Variants in LINGO2 observed in about 807,000 individuals in gnomAD.
LINGO2 encodes leucine-rich repeat and immunoglobulin-like domain-containing nogo receptor-interacting protein 2.
LINGO2 carries 14 observed loss-of-function variants against 30.6 expected under a neutral mutation model. The ratio of observed to expected loss-of-function variants is 0.46; its 90% CI spans 0.30 to 0.72. The LOEUF (loss-of-function observed/expected upper bound fraction) is 0.72, where lower values mean the gene tolerates loss of function less well. LINGO2 is among the 30% of genes least tolerant of loss of function. The pLI is 0.07. For missense variants in LINGO2, 729 were observed against 751.7 expected (o/e 0.97, Z 0.35); for synonymous variants, 317 against 288.5 (o/e 1.10, Z -1.00).
the LINGO2 span, among the ~76,000 whole-genome samples, chr9:29,132,815 C>T: frequency 6.6e-6 from 1 of 152,094 alleles, no homozygotes; most frequent in Non-Finnish European, 1.5e-5. Context: ...ATGCCCTACA[C>T]ATAGAATTTC....
intron 2 of LINGO2, among the ~76,000 whole-genome samples, chr9:28,411,687 T>C (rs1822770294): frequency 6.6e-6 from 1 of 152,142 alleles, no homozygotes; most frequent in Non-Finnish European, 1.5e-5. Flanking sequence ...ACATGGGTTG[T>C]TCAAACATTT....
chr9:28,216,007 T>C (rs772893011), intron 4 of LINGO2, among the ~76,000 whole-genome samples: 10 of 151,896 alleles, frequency 6.6e-5, no homozygotes, highest in Admixed American at 1.3e-4. Flanking sequence ...ACATTAGCCA[T>C]CTTTTGCTCT....
chr9:28,344,719 GAAAAAT>G (rs762143199), intron 3 of LINGO2, among the ~76,000 whole-genome samples: 33 of 152,058 alleles, frequency 2.2e-4, no homozygotes, highest in Non-Finnish European at 4.4e-4. Context: ...CTCTCAAAAA[GAAAAAT>G]ATTTGTTTGA....
At position 27,999,433 on chromosome 9, in the gene LINGO2, C is replaced by A. The variant is rs559562139; in HGVS notation, c.-36+12922G>T. ...CTACGACTTAATCACAGTGCCTAAT[C>A]TTCAGAGAGAGAGAGAGAGAGAGAG... On this transcript the variant is annotated intron_variant, in intron 5 of 5. Transcript: ENST00000379992. Among the ~76,000 whole-genome samples, 140 of 114,428 alleles carry A rather than the reference C, an allele frequency of 1.2e-3. 1 individual carries two copies. Among genetic ancestry groups the A allele is most frequent in the African/African-American group, 5.1e-3 (135 of 26,732 alleles). 75.1% of individuals were successfully genotyped at this position (114,428 alleles called of 152,430 possible).
At chr9:29,006,094 G>A in the LINGO2 span, among the ~76,000 whole-genome samples, 1 of 150,960 alleles carries the variant, frequency 6.6e-6, no homozygotes, top group Admixed American at 6.7e-5. Flanking sequence ...TTTAATATAT[G>A]TTTCATATTT....
the LINGO2 span, among the ~76,000 whole-genome samples, chr9:28,757,258 T>A: frequency 6.6e-6 from 1 of 152,090 alleles, no homozygotes; most frequent in African/African-American, 2.4e-5. Flanking sequence ...ATTTTTATAA[T>A]ACAGCCTTGA....
At chr9:28,571,306 G>A (rs115460082) in intron 1 of LINGO2, among the ~76,000 whole-genome samples, 2,135 of 152,078 alleles carry the variant, frequency 0.014, 53 homozygotes, top group African/African-American at 0.047. Context: ...TCAGAGGCTT[G>A]TACTTCTAAA....
chr9:28,705,574 G>A, the LINGO2 span, among the ~76,000 whole-genome samples: 131 of 152,146 alleles, frequency 8.6e-4, no homozygotes, highest in South Asian at 0.024. Context: ...AGAATGCTCC[G>A]GAGTATTTCA....
chr9:28,445,216 T>A (rs1057365297), intron 2 of LINGO2, among the ~76,000 whole-genome samples: 1 of 152,250 alleles, frequency 6.6e-6, no homozygotes, highest in African/African-American at 2.4e-5. Flanking sequence ...CTTGATTCTG[T>A]AAGTCTGAAC....
the LINGO2 span, among the ~76,000 whole-genome samples, chr9:28,696,989 T>C: frequency 6.6e-6 from 1 of 151,932 alleles, no homozygotes; most frequent in Non-Finnish European, 1.5e-5. Context: ...GTTTTGTTTG[T>C]TTATCTATTT....
chr9:28,728,088 T>C, the LINGO2 span, among the ~76,000 whole-genome samples: 1 of 152,162 alleles, frequency 6.6e-6, no homozygotes, highest in African/African-American at 2.4e-5. Flanking sequence ...ATCTCACTTA[T>C]AACAGAGAAC....
the LINGO2 span, among the ~76,000 whole-genome samples, chr9:28,678,284 C>G: frequency 4.6e-5 from 7 of 152,188 alleles, no homozygotes; most frequent in African/African-American, 1.4e-4. Flanking sequence ...AAGTTTCATT[C>G]TATTTCAAAG....
At chr9:29,164,430 G>T in the LINGO2 span, among the ~76,000 whole-genome samples, 1 of 151,962 alleles carries the variant, frequency 6.6e-6, no homozygotes, top group Non-Finnish European at 1.5e-5. Flanking sequence ...AATATGAATT[G>T]GTGTTTGTTT....
chr9:28,481,032 C>T (rs1265898804), intron 1 of LINGO2, among the ~76,000 whole-genome samples: 1 of 152,038 alleles, frequency 6.6e-6, no homozygotes, highest in Non-Finnish European at 1.5e-5. Context: ...ATGTTGTCAA[C>T]TCATTATCAA....
the LINGO2 span, among the ~76,000 whole-genome samples, chr9:29,130,383 A>C: frequency 6.6e-6 from 1 of 152,224 alleles, no homozygotes; most frequent in African/African-American, 2.4e-5. Flanking sequence ...GGGGTTGCTG[A>C]GGTTCTCAGA....
chr9:28,269,286 T>C (rs946552122), intron 4 of LINGO2, among the ~76,000 whole-genome samples: 1 of 152,114 alleles, frequency 6.6e-6, no homozygotes, highest in African/African-American at 2.4e-5. Flanking sequence ...CTAGGTCCAT[T>C]GTTTCCAGTA....
At chr9:28,588,670 A>G (rs1391241361) in intron 1 of LINGO2, among the ~76,000 whole-genome samples, 1 of 151,966 alleles carries the variant, frequency 6.6e-6, no homozygotes, top group East Asian at 1.9e-4. Flanking sequence ...TCCAAGATAT[A>G]AGAGGGAGTC....
the LINGO2 span, among the ~76,000 whole-genome samples, chr9:28,929,774 T>C: frequency 3.9e-5 from 6 of 152,254 alleles, no homozygotes; most frequent in East Asian, 1.9e-4. Context: ...TGTGGAAATA[T>C]AAATACAAAA....
intron 1 of LINGO2, among the ~76,000 whole-genome samples, chr9:28,560,598 G>A (rs957618571): frequency 2.6e-5 from 4 of 151,668 alleles, no homozygotes; most frequent in Non-Finnish European, 5.9e-5. Context: ...GCATTATTTG[G>A]GTGTGATTAT....
Sources: gnomAD v4.1 joint callset for allele counts (sites outside exome capture counted in the v4.1 genomes callset) on GRCh38, gnomAD v4.1.1 for gene constraint, MANE v1.5 for transcripts, NCBI Gene and HGNC (gene_info 2026-07-23, HGNC 2026-07-21) for gene names.